The following PCLO variants were observed in gnomAD, a reference collection of about 807,000 sequenced individuals.
PCLO encodes the protein piccolo presynaptic cytomatrix protein, also known as protein piccolo.
In PCLO, 82 loss-of-function variants were observed where a neutral mutation model predicts 427.5. That is an observed-to-expected ratio of 0.19 (90% CI 0.16 to 0.23). The LOEUF is 0.23. Ranked by LOEUF, PCLO falls within the 10% of genes least tolerant of loss-of-function variation. PCLO has a pLI of 1.00. For missense variants in PCLO, 6,239 were observed against 6,115.9 expected, an observed-to-expected ratio of 1.02 and a Z score of -0.67; for synonymous variants, 2,357 against 2,155.4, an observed-to-expected ratio of 1.09 and a Z score of -2.59.
At chr7:83,001,947 G>A (rs540682342) in intron 3 of PCLO, among the ~76,000 whole-genome samples, 10 of 152,076 alleles carry the variant, frequency 6.6e-5, no homozygotes, top group Admixed American at 3.9e-4. Context: ...ATGGGAGCAT[G>A]TTACTATAAT....
chr7:83,109,726 A>G (rs1226907612), intron 3 of PCLO, among the ~76,000 whole-genome samples: 1 of 152,184 alleles, frequency 6.6e-6, no homozygotes, highest in Middle Eastern at 3.2e-3. Flanking sequence ...CAAAATGAAT[A>G]TAAATCCATC....
chr7:82,936,184 C>T (rs1794950145), intron 6 of PCLO, among the ~76,000 whole-genome samples: 1 of 151,410 alleles, frequency 6.6e-6, no homozygotes, highest in Non-Finnish European at 1.5e-5. Context: ...AAACAAGTCT[C>T]GATAAATTTT....
At chr7:82,782,076 G>A (rs1269303503) in intron 22 of PCLO, among the ~76,000 whole-genome samples, 2 of 152,096 alleles carry the variant, frequency 1.3e-5, no homozygotes, top group Non-Finnish European at 2.9e-5. Flanking sequence ...GAAGCCAGTC[G>A]GTCAGAACTT....
At chr7:83,059,445 A>G (rs1022994926) in intron 3 of PCLO, among the ~76,000 whole-genome samples, 4 of 148,368 alleles carry the variant, frequency 2.7e-5, no homozygotes, top group Non-Finnish European at 4.5e-5. Flanking sequence ...ATTTATCACT[A>G]TGGAATTCCT....
Position 82,763,553 on chromosome 7 carries a change from T to G in PCLO, c.15008-2060A>C, listed in dbSNP as rs190046115. Among the ~76,000 whole-genome samples, 340 of 152,184 alleles carry G rather than the reference T, an allele frequency of 2.2e-3. 2 individuals are homozygous for G. The highest frequency in any genetic ancestry group is 5.6e-3 in the Admixed American group (86 of 15,248). ...ATTTTGATTTAATTTTGTCACATTT[T>G]GGGGATATAATTGATAGATGTATTC... On this transcript the variant is annotated intron_variant, in intron 22 of 24. Transcript: ENST00000333891.
At chr7:82,908,598 C>T (rs149665977) in intron 8 of PCLO, among the ~76,000 whole-genome samples, 1 of 152,050 alleles carries the variant, frequency 6.6e-6, no homozygotes, top group Non-Finnish European at 1.5e-5. Flanking sequence ...TCCATCTATT[C>T]TTCTTGTATA....
intron 3 of PCLO, among the ~76,000 whole-genome samples, chr7:83,046,055 C>T (rs750337809): frequency 6.6e-6 from 1 of 152,050 alleles, no homozygotes; most frequent in Non-Finnish European, 1.5e-5. Flanking sequence ...ACAGTGTCTT[C>T]ACATAGTTAC....
At chr7:82,875,937 A>G (rs1793358569) in intron 10 of PCLO, among the ~76,000 whole-genome samples, 1 of 152,136 alleles carries the variant, frequency 6.6e-6, no homozygotes, top group Non-Finnish European at 1.5e-5. Context: ...AGGGTAGAAA[A>G]GAGTACACTC....
intron 3 of PCLO, among the ~76,000 whole-genome samples, chr7:83,046,692 C>T (rs34705223): frequency 0.27 from 41,052 of 151,786 alleles, 5,826 homozygotes; most frequent in Middle Eastern, 0.35. Context: ...CAAAACATTC[C>T]TTTTCTGAAG....
intron 22 of PCLO, among the ~76,000 whole-genome samples, chr7:82,779,730 TTTTC>T (rs1223153649): frequency 1.1e-4 from 15 of 140,478 alleles, no homozygotes; most frequent in African/African-American, 2.3e-4. Flanking sequence ...CTATATTTTT[TTTTC>T]TTTCTTTCTT....
chr7:82,981,750 C>T (rs937312836), intron 3 of PCLO, among the ~76,000 whole-genome samples: 2 of 151,970 alleles, frequency 1.3e-5, no homozygotes, highest in African/African-American at 4.8e-5. Flanking sequence ...TTCATCTTTA[C>T]GTAATAAGAA....
In PCLO at chr7:82,874,332, C is replaced by T. The variant is rs143156933; in HGVS notation, c.13654+5005G>A. 4.6e-5 allele frequency among the ~76,000 whole-genome samples: 7 copies of T among 152,200 alleles called. No homozygotes were observed. In the East Asian group the frequency reaches 1.2e-3, roughly 25 times the overall value. ...GGAACACAGTGCAGGGGCACAATCTCGGTTCACTGCAACCTCTGCCTCCTG... is the reference window on the plus strand; with the variant it reads ...GGAACACAGTGCAGGGGCACAATCTTGGTTCACTGCAACCTCTGCCTCCTG... On this transcript the variant is annotated intron_variant, in intron 10 of 24. Coordinates refer to ENST00000333891, the MANE Select transcript of PCLO (RefSeq NM_033026.6).
At chr7:82,770,891 A>G (rs1007211021) in intron 22 of PCLO, among the ~76,000 whole-genome samples, 1 of 151,966 alleles carries the variant, frequency 6.6e-6, no homozygotes, top group Non-Finnish European at 1.5e-5. Flanking sequence ...ATTGTTTTAC[A>G]AAGGCTATAT....
Position 83,004,874 on chromosome 7 carries a change from G to GT in PCLO, c.3301-38388dup, listed in dbSNP as rs568563333. 3.2e-4 allele frequency among the ~76,000 whole-genome samples: 49 copies of GT among 151,424 alleles called. 1 individual carries two copies. In the South Asian group the frequency reaches 7.3e-3, roughly 22 times the overall value. On this transcript the variant is annotated intron_variant, in intron 3 of 24. Transcript: ENST00000333891. ...TTAAAATGGGCAAAGGACATGGATA[G>GT]TTTTTTTTATTATAAGTCATACAAG...
chr7:82,848,057 G>T (rs1792550007), intron 10 of PCLO, among the ~76,000 whole-genome samples: 2 of 151,956 alleles, frequency 1.3e-5, no homozygotes. Flanking sequence ...ATAGAAAAAA[G>T]AAAAGTGTAA....
chr7:82,820,744 G>A (rs550743405), intron 20 of PCLO: 1 of 1,231,352 alleles, frequency 8.1e-7, no homozygotes, highest in South Asian at 4.1e-5. Context: ...ATTCCAACTG[G>A]TAGGCTAACT....
At chr7:82,880,929 T>A (rs1793491515) in intron 9 of PCLO, among the ~76,000 whole-genome samples, 1 of 152,204 alleles carries the variant, frequency 6.6e-6, no homozygotes, top group African/African-American at 2.4e-5. Context: ...GAACAGATCC[T>A]AAATAACACC....
At chr7:82,767,990 G>A (rs1247558047) in intron 22 of PCLO, among the ~76,000 whole-genome samples, 2 of 151,916 alleles carry the variant, frequency 1.3e-5, no homozygotes, top group Non-Finnish European at 2.9e-5. Flanking sequence ...AAGGAGGGAG[G>A]GAGGGAAGGG....
chr7:82,968,119 G>A (rs1028743898), intron 3 of PCLO, among the ~76,000 whole-genome samples: 3 of 152,150 alleles, frequency 2.0e-5, no homozygotes, highest in African/African-American at 4.8e-5. Flanking sequence ...CAATCTGTAA[G>A]CCATTATAAT....
Sources: allele counts gnomAD v4.1 joint callset (sites outside exome capture counted in the v4.1 genomes callset), GRCh38; gene constraint gnomAD v4.1.1; transcripts MANE v1.5; gene names NCBI Gene and HGNC (gene_info 2026-07-23, HGNC 2026-07-21).